Variants in CPSF2 observed in about 807,000 individuals in gnomAD.
The protein encoded by CPSF2 is cleavage and polyadenylation specificity factor subunit 2.
CPSF2 carries 51 observed loss-of-function variants against 84.2 expected under a neutral mutation model. The ratio of observed to expected loss-of-function variants is 0.61; its 90% CI spans 0.48 to 0.77. The LOEUF is 0.77. Ranked by LOEUF, CPSF2 falls within the 30% of genes least tolerant of loss-of-function variation. The pLI is 0.00. For synonymous variants in CPSF2, 286 were observed against 311.9 expected, an observed-to-expected ratio of 0.92 and a Z score of 0.87; for missense variants, 641 against 929.4, an observed-to-expected ratio of 0.69 and a Z score of 4.03.
Position 92,167,965 on chromosome 14 carries a change from G to A in CPSF2, c.*6221G>A, listed in dbSNP as rs2069471769. 1 of 149,610 alleles carries A rather than the reference G, an allele frequency of 6.7e-6. No homozygotes were observed. The highest frequency in any genetic ancestry group is 2.5e-5 in the African/African-American group (1 of 40,446). 9.3% of individuals were successfully genotyped at this position (149,610 alleles called of 1,614,324 possible). A position where few individuals can be genotyped will look rare whatever the true frequency, so the allele number is the denominator to read the frequency against. On this transcript the variant is annotated 3_prime_UTR_variant, in exon 16 of 16. Transcript: ENST00000298875. Reference sequence around the variant, plus strand: ...ATTTGGATTCAATAATGGGAACTAAGGTCAGGCGTGGTGGCTCACACCTGT... The same window carrying A: ...ATTTGGATTCAATAATGGGAACTAAAGTCAGGCGTGGTGGCTCACACCTGT...
At position 92,142,335 on chromosome 14, in the gene CPSF2, A is replaced by T. The variant is rs1372638017; in HGVS notation, c.833A>T (p.Glu278Val). The change falls in exon 8 of 16, where the codon GAG becomes GTG. Residue 278 changes from glutamate (E) to valine (V), a missense_variant. Coordinates refer to ENST00000298875, the MANE Select transcript of CPSF2 (RefSeq NM_017437.3). ...LLNNVSYNVV[E>V]FSKSQVEWMS... ...AATAATGTCAGTTACAATGTGGTGG[A>T]GTTTTCTAAGTCCCAGGTTTGTTCT... 6.2e-7 allele frequency: 1 copy of T among 1,611,692 alleles called. No individual in the cohort carries two copies. Among genetic ancestry groups the T allele is most frequent in the Non-Finnish European group, 8.5e-7 (1 of 1,178,482 alleles).
chr14:92,164,945 A>G lies in CPSF2; in HGVS notation c.*3201A>G, dbSNP rs968128269. 5 of 152,220 alleles carry G rather than the reference A, an allele frequency of 3.3e-5. No homozygotes were observed. Among genetic ancestry groups the G allele is most frequent in the Non-Finnish European group, 7.3e-5 (5 of 68,030 alleles). 9.4% of individuals were successfully genotyped at this position (152,220 alleles called of 1,614,324 possible). A position where few individuals can be genotyped will look rare whatever the true frequency, so the allele number is the denominator to read the frequency against. ...CAGTCACTCCTCATGCCCCCTTCCTATGACCCCTGGCAGCCATTAATCTAC... is the reference window on the plus strand; with the variant it reads ...CAGTCACTCCTCATGCCCCCTTCCTGTGACCCCTGGCAGCCATTAATCTAC... On this transcript the variant is annotated 3_prime_UTR_variant, in exon 16 of 16. Coordinates refer to ENST00000298875, the MANE Select transcript of CPSF2 (RefSeq NM_017437.3).
At chr14:92,130,706 A>C (rs941353342) in intron 2 of CPSF2, among the ~76,000 whole-genome samples, 2 of 152,204 alleles carry the variant, frequency 1.3e-5, no homozygotes, top group Non-Finnish European at 2.9e-5. Flanking sequence ...CTAGGGAGCC[A>C]CTAAAGGGCT....
chr14:92,125,470 C>T (rs1036847444), intron 1 of CPSF2, among the ~76,000 whole-genome samples: 1 of 152,124 alleles, frequency 6.6e-6, no homozygotes, highest in Non-Finnish European at 1.5e-5. Flanking sequence ...CCACTAAATA[C>T]TTTCGCTTTT....
intron 3 of CPSF2, among the ~76,000 whole-genome samples, chr14:92,133,086 T>C (rs925791227): frequency 2.1e-5 from 3 of 142,278 alleles, no homozygotes; most frequent in African/African-American, 5.3e-5. Context: ...CGAGACTACA[T>C]CTCCAAAAGA....
intron 6 of CPSF2, among the ~76,000 whole-genome samples, chr14:92,136,495 T>G (rs916872551): frequency 6.6e-6 from 1 of 152,178 alleles, no homozygotes; most frequent in Middle Eastern, 3.2e-3. Context: ...TGCAGGTGTT[T>G]CTTGTGATTA....
intron 9 of CPSF2, among the ~76,000 whole-genome samples, chr14:92,148,403 C>T (rs1176054845): frequency 6.6e-6 from 1 of 152,166 alleles, no homozygotes; most frequent in Non-Finnish European, 1.5e-5. Context: ...AACTGTGTTA[C>T]ATCCATTGAA....
chr14:92,126,294 T>TA (rs2068844625), intron 2 of CPSF2, 114 bp downstream of exon 2: 2 of 152,212 alleles, frequency 1.3e-5, no homozygotes, highest in East Asian at 1.9e-4. Context: ...AATATGAACT[T>TA]ACTCAGTTCT....
At chr14:92,141,427 G>A (rs2069077117) in intron 7 of CPSF2, among the ~76,000 whole-genome samples, 1 of 152,060 alleles carries the variant, frequency 6.6e-6, no homozygotes, top group Non-Finnish European at 1.5e-5. Context: ...AAACTCCTGG[G>A]CTCAAGCAGT....
Position 92,161,886 on chromosome 14 carries a change from A to AT in CPSF2, c.*143dup, listed in dbSNP as rs1352181876. On this transcript the variant is annotated 3_prime_UTR_variant, in exon 16 of 16. Coordinates refer to ENST00000298875, the MANE Select transcript of CPSF2 (RefSeq NM_017437.3). ...TTACATGTATCAGATTTTTAAAAAT[A>AT]TAAATAGAGAACATTTTGCAAATGC... 21 of 562,320 alleles carry AT rather than the reference A, an allele frequency of 3.7e-5. No homozygotes were observed. Among genetic ancestry groups the AT allele is most frequent in the Non-Finnish European group, 4.3e-5 (14 of 328,038 alleles). 34.8% of individuals were successfully genotyped at this position (562,320 alleles called of 1,614,324 possible). A position where few individuals can be genotyped will look rare whatever the true frequency, so the allele number is the denominator to read the frequency against.
chr14:92,148,374 CA>C (rs1406066694), intron 9 of CPSF2, among the ~76,000 whole-genome samples: 6 of 152,098 alleles, frequency 3.9e-5, no homozygotes, highest in Admixed American at 3.9e-4. Context: ...TACCTAAAAA[CA>C]AGGGCAATCT....
intron 3 of CPSF2, among the ~76,000 whole-genome samples, chr14:92,132,268 G>A (rs1012012458): frequency 1.3e-5 from 2 of 151,758 alleles, no homozygotes; most frequent in Non-Finnish European, 2.9e-5. Flanking sequence ...CCAAGTAGCT[G>A]AGATTACAGG....
chr14:92,148,810 T>C (rs1262876093), intron 9 of CPSF2, among the ~76,000 whole-genome samples: 1 of 150,864 alleles, frequency 6.6e-6, no homozygotes, highest in East Asian at 1.9e-4. Context: ...TATATATATA[T>C]GTAGAGAGAG....
chr14:92,137,478 G>A (rs2069015338), intron 6 of CPSF2, among the ~76,000 whole-genome samples: 1 of 152,144 alleles, frequency 6.6e-6, no homozygotes, highest in African/African-American at 2.4e-5. Context: ...CAAAGTGTTG[G>A]GATTACAGGC....
At chr14:92,150,180 G>T (rs191169399) in intron 9 of CPSF2, among the ~76,000 whole-genome samples, 1 of 148,550 alleles carries the variant, frequency 6.7e-6, no homozygotes, top group African/African-American at 2.5e-5. Flanking sequence ...AGGCTGGAGC[G>T]CTCGGCTCAC....
intron 2 of CPSF2, among the ~76,000 whole-genome samples, chr14:92,126,823 A>G (rs2068851221): frequency 6.6e-6 from 1 of 152,148 alleles, no homozygotes. Context: ...AAACAAGTCA[A>G]TATATTTTAA....
intron 9 of CPSF2, among the ~76,000 whole-genome samples, chr14:92,145,561 G>A (rs2069132950): frequency 6.6e-6 from 1 of 152,232 alleles, no homozygotes; most frequent in Admixed American, 6.5e-5. Context: ...CAAGGATTCT[G>A]AGCAAGTATA....
rs2069507937 is a variant in CPSF2, at chr14:92,170,794, T to C, written c.*9050T>C. Reference sequence around the variant, plus strand: ...GGTGATGCTGTCTTCTTCTCTGCATTGTATCAGGAGGCACATCATGTCAAT... The same window carrying C: ...GGTGATGCTGTCTTCTTCTCTGCATCGTATCAGGAGGCACATCATGTCAAT... On this transcript the variant is annotated 3_prime_UTR_variant, in exon 16 of 16. Transcript: ENST00000298875. The C allele has an allele frequency of 6.6e-6, 1 of 152,214 alleles. No individual in the cohort carries two copies. The highest frequency in any genetic ancestry group is 1.5e-5 in the Non-Finnish European group (1 of 68,024). The allele number at this position is 152,214 out of a possible 1,614,324, so 9.4% of individuals were successfully genotyped here.
intron 1 of CPSF2, among the ~76,000 whole-genome samples, chr14:92,123,330 G>T (rs1185165005): frequency 1.3e-5 from 2 of 151,974 alleles, no homozygotes; most frequent in Non-Finnish European, 2.9e-5. Flanking sequence ...GTTTCACCTT[G>T]TTGGCCAGGA....
Sources: gnomAD v4.1 joint callset for allele counts (sites outside exome capture counted in the v4.1 genomes callset) on GRCh38, gnomAD v4.1.1 for gene constraint, MANE v1.5 for transcripts, NCBI Gene and HGNC (gene_info 2026-07-23, HGNC 2026-07-21) for gene names.